The following SMURF2 variants were observed in gnomAD, a reference collection of about 807,000 sequenced individuals.
SMURF2 encodes the protein SMAD specific E3 ubiquitin protein ligase 2, also known as E3 ubiquitin-protein ligase SMURF2.
A neutral mutation model predicts 109.6 loss-of-function variants in SMURF2; 48 were observed. The observed-to-expected ratio is 0.44, with a 90% confidence interval of 0.35 to 0.56. The LOEUF (loss-of-function observed/expected upper bound fraction) is 0.56. Ranked by LOEUF, SMURF2 falls within the 20% of genes least tolerant of loss-of-function variation. The pLI is 0.01. For missense variants in SMURF2, 575 were observed against 909.0 expected (o/e 0.63, Z 4.72); for synonymous variants, 288 against 317.1 (o/e 0.91, Z 0.97).
At chr17:64,630,966 C>G (rs901501990) in intron 1 of SMURF2, among the ~76,000 whole-genome samples, 3 of 151,906 alleles carry the variant, frequency 2.0e-5, no homozygotes, top group Middle Eastern at 3.4e-3. Context: ...TCCCTAAGAG[C>G]AGCTTCATAA....
intron 10 of SMURF2, among the ~76,000 whole-genome samples, chr17:64,568,182 G>T (rs1006155898): frequency 2.6e-5 from 4 of 151,664 alleles, no homozygotes; most frequent in Non-Finnish European, 4.4e-5. Context: ...TAGAGACGGG[G>T]TTTCACCATG....
At position 64,544,789 on chromosome 17, in the gene SMURF2, C is replaced by T. The variant is rs782582058; in HGVS notation, c.*1059G>A. The T allele has an allele frequency of 6.6e-6, 1 of 152,436 alleles. No individual in the cohort carries two copies. Among genetic ancestry groups the T allele is most frequent in the Non-Finnish European group, 1.5e-5 (1 of 68,014 alleles). The allele number at this position is 152,436 out of a possible 1,614,324, so 9.4% of individuals were successfully genotyped here. A position where few individuals can be genotyped will look rare whatever the true frequency, so the allele number is the denominator to read the frequency against. ...CTTTAGAGCAAAATTCTTCCTTTTT[C>T]ATAACTGTAGCTGATTAAAATTATG... On this transcript the variant is annotated 3_prime_UTR_variant, in exon 19 of 19. Transcript: ENST00000262435.
In SMURF2 at chr17:64,551,811, A is replaced by C. The variant is rs1157958000; in HGVS notation, c.1749-107T>G. On this transcript the variant is annotated intron_variant, in intron 15 of 18. Transcript: ENST00000262435. ...ACACCGCATCTTACAAGCATCTAACATTAACGGTTTAGCCTCAAGTCTAAC... is the reference window on the plus strand; with the variant it reads ...ACACCGCATCTTACAAGCATCTAACCTTAACGGTTTAGCCTCAAGTCTAAC... 2.9e-6 allele frequency: 4 copies of C among 1,392,826 alleles called. No homozygotes were observed. The African/African-American group carries it at 5.8e-5, about 20-fold the overall frequency. 86.3% of individuals were successfully genotyped at this position (1,392,826 alleles called of 1,614,324 possible). A position where few individuals can be genotyped will look rare whatever the true frequency, so the allele number is the denominator to read the frequency against.
rs376543871 is a variant in SMURF2 at position 64,543,270 on chromosome 17, CTTTTTTTT to C, written c.*2570_*2577del. 1 of 134,142 alleles carries C rather than the reference CTTTTTTTT, an allele frequency of 7.5e-6. No individual in the cohort carries two copies. The highest frequency in any genetic ancestry group is 1.6e-5 in the Non-Finnish European group (1 of 61,430). 8.3% of individuals were successfully genotyped at this position (134,142 alleles called of 1,614,324 possible). A position where few individuals can be genotyped will look rare whatever the true frequency, so the allele number is the denominator to read the frequency against. On this transcript the variant is annotated 3_prime_UTR_variant, in exon 19 of 19. Coordinates refer to ENST00000262435, the MANE Select transcript of SMURF2 (RefSeq NM_022739.4). ...CATAGACTGTTATGGAGAGTAATTT[CTTTTTTTT>C]TTTTTTTTGGGCGGGGACGGAGTCT... is the stretch of plus-strand genomic sequence containing the variant.
At chr17:64,579,580 C>A (rs944194418) in intron 8 of SMURF2, among the ~76,000 whole-genome samples, 10 of 152,190 alleles carry the variant, frequency 6.6e-5, no homozygotes, top group Non-Finnish European at 1.5e-4. Flanking sequence ...ACCACTCCCA[C>A]TCTAAAGAGC....
chr17:64,649,076 T>C (rs1555693246), intron 1 of SMURF2, among the ~76,000 whole-genome samples: 1 of 152,188 alleles, frequency 6.6e-6, no homozygotes, highest in Non-Finnish European at 1.5e-5. Flanking sequence ...AAAACAGAAT[T>C]ACTAATGTTT....
chr17:64,603,873 G>A (rs149130208), intron 2 of SMURF2, among the ~76,000 whole-genome samples: 2 of 152,156 alleles, frequency 1.3e-5, no homozygotes, highest in Non-Finnish European at 2.9e-5. Flanking sequence ...ACACATGGCA[G>A]TGTATTTTTT....
chr17:64,593,468 A>T lies in SMURF2; in HGVS notation c.306T>A (p.Asn102Lys). Reference protein sequence around the residue: ...GFLGCVRLLSNAINRLKDTGY... With the variant: ...GFLGCVRLLSKAINRLKDTGY... ...CAGTGTCTTTGAGGCGGTTGATGGC[A>T]TTGGAAAGAAGACGAACACAACCGA... The change falls in exon 4 of 19, where the codon AAT becomes AAA. Residue 102 changes from asparagine to lysine, a missense_variant. By Grantham distance (94) the Asn-to-Lys change is moderately conservative. This residue lies in a region of SMURF2 where 151 missense variants were observed against 178.4 expected (regional missense o/e 0.85). Transcript: ENST00000262435. The T allele has an allele frequency of 6.2e-7, 1 of 1,610,420 alleles. No homozygotes were observed. Among genetic ancestry groups the T allele is most frequent in the Non-Finnish European group, 8.5e-7 (1 of 1,178,820 alleles).
Position 64,581,982 on chromosome 17 carries a change from A to T in SMURF2, c.570-991T>A, listed in dbSNP as rs1444797754. On this transcript the variant is annotated intron_variant, in intron 7 of 18. Transcript: ENST00000262435. This position sits in a 1 kb window ranked among gnomAD's most constrained non-coding sequence, Gnocchi z 4.3. ...TCTCCAAAAAAAAAAAAAAATTAAC[A>T]TTTAAAACAACAATCATCCTTTTAT... Among the ~76,000 whole-genome samples the T allele has an allele frequency of 6.6e-6, 1 of 152,028 alleles. No homozygotes were observed. The highest frequency in any genetic ancestry group is 6.6e-5 in the Admixed American group (1 of 15,220).
At chr17:64,579,494 T>G (rs1427767954) in intron 8 of SMURF2, among the ~76,000 whole-genome samples, 2 of 152,190 alleles carry the variant, frequency 1.3e-5, no homozygotes, top group Non-Finnish European at 2.9e-5. Context: ...AACTTCAGCC[T>G]TGGTATCCAC....
At chr17:64,601,157 A>C (rs1969890184) in intron 2 of SMURF2, among the ~76,000 whole-genome samples, 1 of 151,980 alleles carries the variant, frequency 6.6e-6, no homozygotes, top group Admixed American at 6.6e-5. Context: ...TCAGGAGGCT[A>C]AAATGGGAGG....
In SMURF2 at chr17:64,618,123, G is replaced by C. The variant is rs1349998773; in HGVS notation, c.53-11483C>G. ...ACAAGCATAATAATCAACTTCTGGTGTAAGTTCACATGTTAAAAATAAAAA... is the reference window on the plus strand; with the variant it reads ...ACAAGCATAATAATCAACTTCTGGTCTAAGTTCACATGTTAAAAATAAAAA... On this transcript the variant is annotated intron_variant, in intron 1 of 18. Transcript: ENST00000262435. Among the ~76,000 whole-genome samples, 3 of 152,138 alleles carry C rather than the reference G, an allele frequency of 2.0e-5. No homozygotes were observed. The East Asian group carries it at 5.8e-4, about 29-fold the overall frequency.
At chr17:64,568,210 G>A (rs1555685245) in intron 10 of SMURF2, among the ~76,000 whole-genome samples, 9 of 151,234 alleles carry the variant, frequency 6.0e-5, no homozygotes, top group Admixed American at 4.0e-4. Context: ...GGCTGGTCTC[G>A]AACTCCTGAC....
At chr17:64,570,786 TG>T (rs1434143610) in intron 10 of SMURF2, among the ~76,000 whole-genome samples, 1 of 152,092 alleles carries the variant, frequency 6.6e-6, no homozygotes, top group East Asian at 1.9e-4. Context: ...TGTTTTTGTT[TG>T]TTTGCTTTTT....
chr17:64,662,015 T>G lies in SMURF2; in HGVS notation c.-135A>C, dbSNP rs966844209. 2 of 1,111,822 alleles carry G rather than the reference T, an allele frequency of 1.8e-6. No individual in the cohort carries two copies. The highest frequency in any genetic ancestry group is 3.3e-5 in the African/African-American group (2 of 59,802). The allele number at this position is 1,111,822 out of a possible 1,614,324, so 68.9% of individuals were successfully genotyped here. On this transcript the variant is annotated 5_prime_UTR_variant, in exon 1 of 19. Transcript: ENST00000262435. The stretch of plus-strand genomic sequence containing the variant: ...GCCGCCACGGCCGGAGGGTCCCGGA[T>G]GTGCCGAGAGTCGTCGCCATGAGCC...
At chr17:64,589,969 A>G (rs1344862337) in intron 5 of SMURF2, among the ~76,000 whole-genome samples, 3 of 151,870 alleles carry the variant, frequency 2.0e-5, no homozygotes, top group Non-Finnish European at 4.4e-5. Flanking sequence ...GATAACCACA[A>G]TAGGGCTTTG....
At position 64,581,696 on chromosome 17, in the gene SMURF2, G is replaced by A. The variant is rs1159456479; in HGVS notation, c.570-705C>T. Among the ~76,000 whole-genome samples, 1 of 152,092 alleles carries A rather than the reference G, an allele frequency of 6.6e-6. No homozygotes were observed. The highest frequency in any genetic ancestry group is 1.5e-5 in the Non-Finnish European group (1 of 68,030). ...ATGGTGGCTCACACCTGTAATCCCAGCACTTTGGGAGACCGAAGCGAGCGG... is the reference window on the plus strand; with the variant it reads ...ATGGTGGCTCACACCTGTAATCCCAACACTTTGGGAGACCGAAGCGAGCGG... On this transcript the variant is annotated intron_variant, in intron 7 of 18. Transcript: ENST00000262435. This position sits in a 1 kb window ranked among gnomAD's most constrained non-coding sequence, Gnocchi z 4.3.
At chr17:64,626,702 G>A (rs537073423) in intron 1 of SMURF2, among the ~76,000 whole-genome samples, 1 of 152,112 alleles carries the variant, frequency 6.6e-6, no homozygotes, top group Non-Finnish European at 1.5e-5. Context: ...GGCAGAGGTT[G>A]CAGTGAGCCG....
In SMURF2 at chr17:64,551,456, A is replaced by C. The variant is rs1969044671; in HGVS notation, c.1869+128T>G. On this transcript the variant is annotated intron_variant, in intron 16 of 18. Coordinates refer to ENST00000262435, the MANE Select transcript of SMURF2 (RefSeq NM_022739.4). ...ATGAAAGACTTTTCCTGTGAATAAGAATTCTCAAGCATAGAACCATGAAAC... is the reference window on the plus strand; with the variant it reads ...ATGAAAGACTTTTCCTGTGAATAAGCATTCTCAAGCATAGAACCATGAAAC... 1.1e-5 allele frequency: 11 copies of C among 1,018,848 alleles called. No homozygotes were observed. The Admixed American group carries it at 2.7e-4, about 25-fold the overall frequency. The allele number at this position is 1,018,848 out of a possible 1,614,324, so 63.1% of individuals were successfully genotyped here.
Sources: gnomAD v4.1 joint callset for allele counts (sites outside exome capture counted in the v4.1 genomes callset) on GRCh38, gnomAD v4.1.1 for gene constraint, gnomAD v4.1.1 regional missense constraint, Gnocchi (gnomAD v3.1) non-coding constraint, MANE v1.5 for transcripts, NCBI Gene and HGNC (gene_info 2026-07-23, HGNC 2026-07-21) for gene names.